Variants in MEGF10 observed in about 807,000 individuals in gnomAD.
MEGF10 encodes the protein multiple epidermal growth factor-like domains protein 10.
MEGF10 carries 86 observed loss-of-function variants against 147.5 expected under a neutral mutation model. The ratio of observed to expected loss-of-function variants is 0.58; its 90% CI spans 0.49 to 0.70. The LOEUF (loss-of-function observed/expected upper bound fraction) is 0.70. Among genes scored for constraint, MEGF10 ranks in the 30% least tolerant of loss-of-function variants. MEGF10 has a pLI of 0.00. For missense variants in MEGF10, 1,329 were observed against 1,487.3 expected (o/e 0.89, Z 1.75); for synonymous variants, 478 against 525.5 (o/e 0.91, Z 1.24).
At chr5:127,432,350 C>A (rs1765413010) in intron 13 of MEGF10, among the ~76,000 whole-genome samples, 2 of 152,144 alleles carry the variant, frequency 1.3e-5, no homozygotes, top group Non-Finnish European at 2.9e-5. Context: ...ACTTTAGAAG[C>A]CAAAACTGTA....
Position 127,352,854 on chromosome 5 carries a change from G to A in MEGF10, c.319+12224G>A, listed in dbSNP as rs78773416. ...GATTTGGGGGCTGATAAAGAAGACA[G>A]TTTGAGAGAGAGACTTTACTAACAT... On this transcript the variant is annotated intron_variant, in intron 4 of 24. Coordinates refer to ENST00000503335, the MANE Select transcript of MEGF10 (RefSeq NM_001256545.2). 8.3e-3 allele frequency among the ~76,000 whole-genome samples: 1,264 copies of A among 152,332 alleles called. 18 individuals are homozygous for A. Among genetic ancestry groups the A allele is most frequent in the African/African-American group, 0.029 (1,187 of 41,570 alleles).
chr5:127,300,438 G>A (rs1191248232), intron 1 of MEGF10, among the ~76,000 whole-genome samples: 1 of 152,100 alleles, frequency 6.6e-6, no homozygotes, highest in African/African-American at 2.4e-5. Context: ...TGCTTTTGTA[G>A]GCATAGGATG....
chr5:127,283,672 C>T, the MEGF10 span, among the ~76,000 whole-genome samples: 2 of 152,194 alleles, frequency 1.3e-5, no homozygotes, highest in Admixed American at 1.3e-4. Flanking sequence ...AATGCGGTCT[C>T]CACCCTGGAT....
chr5:127,247,439 A>AAGAGGAAGAGGAAGAGGAAGAG, the MEGF10 span, among the ~76,000 whole-genome samples: 1 of 116,534 alleles, frequency 8.6e-6, no homozygotes, highest in African/African-American at 3.9e-5. Context: ...AAGAAGAAGA[A>AAGAGGAAGAGGAAGAGGAAGAG]GAAGAAGAAG....
At chr5:127,440,357 G>T (rs1765710617) in intron 17 of MEGF10, among the ~76,000 whole-genome samples, 1 of 152,166 alleles carries the variant, frequency 6.6e-6, no homozygotes, top group Non-Finnish European at 1.5e-5. Flanking sequence ...TTAATATAAA[G>T]TACCCGTCTC....
chr5:127,350,411 A>G lies in MEGF10; in HGVS notation c.319+9781A>G, dbSNP rs78079026. ...GTCTGTTAATGTCTGTTCCCTCCCA[A>G]TTGCTGTGCCTGTCTTGCTTCACTT... is the stretch of plus-strand genomic sequence containing the variant. On this transcript the variant is annotated intron_variant, in intron 4 of 24. Transcript: ENST00000503335. Among the ~76,000 whole-genome samples, 575 of 151,980 alleles carry G rather than the reference A, an allele frequency of 3.8e-3. 3 individuals carry two copies. The highest frequency in any genetic ancestry group is 0.013 in the African/African-American group (540 of 41,430).
chr5:127,446,477 C>T (rs1295184491), intron 20 of MEGF10, among the ~76,000 whole-genome samples: 1 of 152,118 alleles, frequency 6.6e-6, no homozygotes, highest in Non-Finnish European at 1.5e-5. Context: ...AGGAAAGTTG[C>T]AGAGTAGCTT....
chr5:127,377,980 A>G (rs1458641276), intron 5 of MEGF10, among the ~76,000 whole-genome samples: 1 of 152,216 alleles, frequency 6.6e-6, no homozygotes, highest in Non-Finnish European at 1.5e-5. Flanking sequence ...ACGGTCCCAA[A>G]GGTAGTTTCA....
chr5:127,300,653 T>G (rs1447338536), intron 1 of MEGF10, among the ~76,000 whole-genome samples: 1 of 152,188 alleles, frequency 6.6e-6, no homozygotes, highest in Non-Finnish European at 1.5e-5. Context: ...TAAAGCCCCA[T>G]GTTTAATGTA....
chr5:127,369,528 A>G (rs1404272486), intron 4 of MEGF10, among the ~76,000 whole-genome samples: 1 of 152,082 alleles, frequency 6.6e-6, no homozygotes, highest in Non-Finnish European at 1.5e-5. Flanking sequence ...CTACTCTGTC[A>G]CTCTGAGGCC....
Position 127,459,430 on chromosome 5 carries a change from CAT to C in MEGF10, c.*2113_*2114del, listed in dbSNP as rs765023813. ...CTAGGTGATAGGCATCTAATTGAGA[CAT>C]GTGTGAGTCAATAGCCATCGGGGTC... On this transcript the variant is annotated 3_prime_UTR_variant, in exon 25 of 25. Transcript: ENST00000503335. The C allele has an allele frequency of 1.3e-5, 2 of 152,170 alleles. No homozygotes were observed. Among genetic ancestry groups the C allele is most frequent in the Non-Finnish European group, 2.9e-5 (2 of 68,046 alleles). 9.4% of individuals were successfully genotyped at this position (152,170 alleles called of 1,614,324 possible). A position where few individuals can be genotyped will look rare whatever the true frequency, so the allele number is the denominator to read the frequency against.
At chr5:127,234,509 G>T in the MEGF10 span, among the ~76,000 whole-genome samples, 1 of 152,190 alleles carries the variant, frequency 6.6e-6, no homozygotes, top group Non-Finnish European at 1.5e-5. Context: ...TCCTGGGAGA[G>T]CAAACCAAAT....
chr5:127,365,221 T>C (rs190841433), intron 4 of MEGF10, among the ~76,000 whole-genome samples: 1 of 152,334 alleles, frequency 6.6e-6, no homozygotes, highest in East Asian at 1.9e-4. Flanking sequence ...ACATTTTCCA[T>C]ATTAATTTAA....
chr5:127,312,102 T>C (rs1760313485), intron 1 of MEGF10, among the ~76,000 whole-genome samples: 1 of 152,182 alleles, frequency 6.6e-6, no homozygotes, highest in African/African-American at 2.4e-5. Context: ...GCCTTGCTCC[T>C]TCCTCTCTCA....
the MEGF10 span, among the ~76,000 whole-genome samples, chr5:127,250,726 C>T: frequency 6.6e-6 from 1 of 151,778 alleles, no homozygotes; most frequent in South Asian, 2.1e-4. Flanking sequence ...AGAAAAGACA[C>T]AGATATAATT....
chr5:127,420,327 T>C, intron 12 of MEGF10, 120 bp downstream of exon 12: 1 of 1,065,542 alleles, frequency 9.4e-7, no homozygotes, highest in Non-Finnish European at 1.3e-6. Flanking sequence ...CTTCGGTAAC[T>C]ACTGGAAGAA....
the MEGF10 span, among the ~76,000 whole-genome samples, chr5:127,284,204 C>T: frequency 1.3e-5 from 2 of 151,916 alleles, no homozygotes; most frequent in Admixed American, 6.6e-5. Context: ...AGAAGAAGAC[C>T]GAAATGAAGG....
At chr5:127,265,317 CA>C in the MEGF10 span, among the ~76,000 whole-genome samples, 3 of 152,144 alleles carry the variant, frequency 2.0e-5, no homozygotes, top group Non-Finnish European at 2.9e-5. Context: ...TCCAGTCTAT[CA>C]TTGATGGACA....
chr5:127,360,611 G>A (rs1762436877), intron 4 of MEGF10, among the ~76,000 whole-genome samples: 1 of 151,810 alleles, frequency 6.6e-6, no homozygotes, highest in Non-Finnish European at 1.5e-5. Flanking sequence ...TTAGTAGTAG[G>A]TTTTACATAT....
Sources: allele counts gnomAD v4.1 joint callset (sites outside exome capture counted in the v4.1 genomes callset), GRCh38; gene constraint gnomAD v4.1.1; transcripts MANE v1.5; gene names NCBI Gene and HGNC (gene_info 2026-07-23, HGNC 2026-07-21).